The following PLCL1 variants were observed in gnomAD, a reference collection of about 807,000 sequenced individuals.
The protein encoded by PLCL1 is phospholipase C like 1 (inactive).
In PLCL1, 41 loss-of-function variants were observed where a neutral mutation model predicts 84.4. The ratio of observed to expected loss-of-function variants is 0.49; its 90% CI spans 0.38 to 0.63. The LOEUF is 0.63. Ranked by LOEUF, PLCL1 falls within the 30% of genes least tolerant of loss-of-function variation. The pLI, the probability that PLCL1 is intolerant of heterozygous loss-of-function variation, is 0.00. For missense variants in PLCL1, 1,206 were observed against 1,367.8 expected (o/e 0.88, Z 1.87); for synonymous variants, 490 against 488.3 (o/e 1.00, Z -0.05).
At chr2:198,096,682 T>TA (rs964200756) in intron 3 of PLCL1, among the ~76,000 whole-genome samples, 1 of 152,104 alleles carries the variant, frequency 6.6e-6, no homozygotes, top group Non-Finnish European at 1.5e-5. Context: ...AATTTGTTGT[T>TA]AAAAAAAGGA....
chr2:197,911,485 C>G (rs1688484402), intron 1 of PLCL1, among the ~76,000 whole-genome samples: 1 of 151,802 alleles, frequency 6.6e-6, no homozygotes, highest in Non-Finnish European at 1.5e-5. Context: ...AAAAAATAAT[C>G]AGGTTTGCTT....
At chr2:197,976,990 ACC>A (rs1689995398) in intron 1 of PLCL1, among the ~76,000 whole-genome samples, 1 of 152,150 alleles carries the variant, frequency 6.6e-6, no homozygotes, top group East Asian at 1.9e-4. Context: ...ACTCATGTGG[ACC>A]GTTTGGTCTG....
intron 1 of PLCL1, among the ~76,000 whole-genome samples, chr2:197,849,224 G>T (rs1043930364): frequency 5.3e-5 from 8 of 152,130 alleles, no homozygotes; most frequent in African/African-American, 1.9e-4. Context: ...TCTGTCATAT[G>T]TGTAATTGAA....
intron 1 of PLCL1, among the ~76,000 whole-genome samples, chr2:197,869,201 A>G (rs1000117694): frequency 3.9e-5 from 6 of 152,154 alleles, no homozygotes; most frequent in African/African-American, 1.4e-4. Flanking sequence ...CTGAGTTTGA[A>G]TTAAAACCAG....
chr2:198,096,836 C>G (rs1693209319), intron 3 of PLCL1, among the ~76,000 whole-genome samples: 1 of 152,120 alleles, frequency 6.6e-6, no homozygotes, highest in Admixed American at 6.5e-5. Context: ...ATCACGCTTG[C>G]AATGGAATGA....
chr2:197,821,149 T>C (rs927818165), intron 1 of PLCL1, among the ~76,000 whole-genome samples: 1 of 152,174 alleles, frequency 6.6e-6, no homozygotes, highest in Admixed American at 6.6e-5. Flanking sequence ...TATAAACCAT[T>C]CTGTTTTTCA....
intron 1 of PLCL1, among the ~76,000 whole-genome samples, chr2:197,827,945 C>T (rs1690968471): frequency 7.8e-6 from 1 of 128,140 alleles, no homozygotes; most frequent in Non-Finnish European, 1.6e-5. Flanking sequence ...CTATTACTCT[C>T]ACAGATTAGC....
chr2:198,084,331 A>G lies in PLCL1; in HGVS notation c.814A>G (p.Asn272Asp), dbSNP rs1574298955. The change falls in exon 2 of 6, where the codon AAC becomes GAC. Residue 272 changes from asparagine to aspartate, a missense_variant. Physicochemically the swap from Asn to Asp is conservative, Grantham distance 23 (BLOSUM62 1). Transcript: ENST00000428675. ...DTSVELIKQL[N>D]PTLKEAKIRL... ...CTCTGTAGAGTTAATAAAACAACTCAACCCTACTCTGAAGGAAGCCAAGAT... is the reference window on the plus strand; with the variant it reads ...CTCTGTAGAGTTAATAAAACAACTCGACCCTACTCTGAAGGAAGCCAAGAT... The G allele has an allele frequency of 6.2e-7, 1 of 1,613,846 alleles. No individual in the cohort carries two copies. The highest frequency in any genetic ancestry group is 2.2e-5 in the East Asian group (1 of 44,878).
chr2:198,092,194 GTCCCAGTCT>G (rs1693061751), intron 3 of PLCL1, among the ~76,000 whole-genome samples: 1 of 150,132 alleles, frequency 6.7e-6, no homozygotes, highest in Non-Finnish European at 1.5e-5. Context: ...TCACCAGCTT[GTCCCAGTCT>G]CACCTGCATC....
At chr2:197,982,227 A>C (rs1258535346) in intron 1 of PLCL1, among the ~76,000 whole-genome samples, 2 of 151,312 alleles carry the variant, frequency 1.3e-5, no homozygotes, top group African/African-American at 4.8e-5. Context: ...ATATATATAT[A>C]TGAAAGTCTA....
At chr2:197,923,266 C>A (rs1348166343) in intron 1 of PLCL1, among the ~76,000 whole-genome samples, 8 of 144,354 alleles carry the variant, frequency 5.5e-5, no homozygotes, top group Admixed American at 6.7e-5. Context: ...TGACCCCCCC[C>A]ACCTCCCTCC....
chr2:198,062,515 C>A (rs946254534), intron 1 of PLCL1, among the ~76,000 whole-genome samples: 3 of 152,004 alleles, frequency 2.0e-5, no homozygotes, highest in Admixed American at 6.5e-5. Flanking sequence ...TATTGCAATA[C>A]CCTTCCTCTT....
chr2:197,966,092 C>G (rs1252850316), intron 1 of PLCL1, among the ~76,000 whole-genome samples: 1 of 151,912 alleles, frequency 6.6e-6, no homozygotes, highest in Non-Finnish European at 1.5e-5. Context: ...GAGATAGGGC[C>G]TCAGAACTCT....
At chr2:198,080,968 G>C (rs1277341287) in intron 1 of PLCL1, among the ~76,000 whole-genome samples, 1 of 152,128 alleles carries the variant, frequency 6.6e-6, no homozygotes, top group Non-Finnish European at 1.5e-5. Context: ...ATTCTAGGAG[G>C]GAATGTCTTG....
At chr2:198,095,656 A>G (rs10180395) in intron 3 of PLCL1, among the ~76,000 whole-genome samples, 7,086 of 152,266 alleles carry the variant, frequency 0.047, 528 homozygotes, top group African/African-American at 0.16. Context: ...GGGGATGTGA[A>G]TATGTTACTC....
At chr2:198,033,714 C>T (rs1239317381) in intron 1 of PLCL1, among the ~76,000 whole-genome samples, 2 of 152,144 alleles carry the variant, frequency 1.3e-5, no homozygotes, top group East Asian at 3.9e-4. Context: ...CTGTTGGAAA[C>T]TTTCTTTAAC....
At chr2:198,037,193 T>C (rs1691569472) in intron 1 of PLCL1, among the ~76,000 whole-genome samples, 1 of 152,206 alleles carries the variant, frequency 6.6e-6, no homozygotes, top group Admixed American at 6.5e-5. Context: ...TTAAAATCCA[T>C]TGCTAGCATA....
In PLCL1 at chr2:197,864,213, T is replaced by G. The variant is rs142111422; in HGVS notation, c.240+58874T>G. On this transcript the variant is annotated intron_variant, in intron 1 of 5. Transcript: ENST00000428675. ...AAGAACAATGAGAAGTCTTCTACTG[T>G]CCCCTGCCAATTTCAGTATATCACA... Among the ~76,000 whole-genome samples the G allele has an allele frequency of 9.2e-5, 14 of 152,236 alleles. No individual in the cohort carries two copies. In the East Asian group the frequency reaches 1.5e-3, roughly 17 times the overall value.
At chr2:198,030,352 G>A (rs189689063) in intron 1 of PLCL1, among the ~76,000 whole-genome samples, 1 of 152,076 alleles carries the variant, frequency 6.6e-6, no homozygotes, top group Non-Finnish European at 1.5e-5. Context: ...GCAGGGGGTG[G>A]GTAACACTGC....
Sources: allele counts gnomAD v4.1 joint callset (sites outside exome capture counted in the v4.1 genomes callset), GRCh38; gene constraint gnomAD v4.1.1; transcripts MANE v1.5; gene names NCBI Gene and HGNC (gene_info 2026-07-23, HGNC 2026-07-21).